The following LONRF1 variants were observed in gnomAD, a reference collection of about 807,000 sequenced individuals.
The protein encoded by LONRF1 is LON peptidase N-terminal domain and RING finger protein 1.
Under a neutral mutation model 85.8 loss-of-function variants are expected in LONRF1, and 37 were observed. The observed-to-expected ratio is 0.43, with a 90% CI of 0.33 to 0.57. The LOEUF is 0.57. Among genes scored for constraint, LONRF1 ranks in the 20% least tolerant of loss-of-function variants. The probability of loss-of-function intolerance (pLI) is 0.04; values close to 1 mark genes in which losing one functional copy is unlikely to be tolerated. For synonymous variants in LONRF1, 517 were observed against 390.1 expected (o/e 1.33, Z -3.83); for missense variants, 1,036 against 978.0 (o/e 1.06, Z -0.79).
rs2117220282 is a variant in LONRF1 at position 12,725,797 on chromosome 8, A to T, written c.2093T>A (p.Leu698Ter). 6.2e-7 allele frequency: 1 copy of T among 1,613,922 alleles called. No individual in the cohort carries two copies. The highest frequency in any genetic ancestry group is 1.1e-5 in the South Asian group (1 of 91,070). The change falls in exon 11 of 12, where the codon TTA becomes TAA. Residue 698 changes from leucine to a stop codon, truncating the protein, a stop_gained. Coordinates refer to ENST00000398246, the MANE Select transcript of LONRF1 (RefSeq NM_152271.5). LOFTEE classifies it high-confidence loss of function. ...YSQACSWFQN[L>*]RDRFRSQILQ... ...AATTTGGCTTCGAAATCTGTCTCTT[A>T]AATTCTGAAACCAGCTGCAGGCTTG...
chr8:12,741,875 G>C (rs1798946054), intron 2 of LONRF1, among the ~76,000 whole-genome samples: 1 of 148,336 alleles, frequency 6.7e-6, no homozygotes. Context: ...AAAAATTAGA[G>C]TCCTACTAAT....
intron 1 of LONRF1, among the ~76,000 whole-genome samples, chr8:12,749,474 T>C (rs746577790): frequency 6.6e-6 from 1 of 152,234 alleles, no homozygotes; most frequent in African/African-American, 2.4e-5. Context: ...CAGAACACTA[T>C]ACAAATTCAT....
At chr8:12,740,294 A>C (rs1188174448) in intron 3 of LONRF1, among the ~76,000 whole-genome samples, 1 of 152,184 alleles carries the variant, frequency 6.6e-6, no homozygotes, top group East Asian at 1.9e-4. Flanking sequence ...GGCATATCAA[A>C]AGCTATGAAA....
chr8:12,736,981 G>A lies in LONRF1; in HGVS notation c.1273C>T (p.Leu425=). The change falls in exon 5 of 12, where the codon CTG becomes TTG. Residue 425 remains leucine (L), a synonymous_variant. Transcript: ENST00000398246. ...PVLSVQEKGV[L]LKRKLSLLEQ... ...AAAAGAGACAACTTTCTTTTCAGCA[G>A]AACACCTTTTTCTTGAACTGACAGA... The A allele has an allele frequency of 1.2e-6, 2 of 1,613,434 alleles. No homozygotes were observed. Among genetic ancestry groups the A allele is most frequent in the South Asian group, 1.1e-5 (1 of 91,066 alleles).
At position 12,754,780 on chromosome 8, in the gene LONRF1, G is replaced by T. The variant is rs1045591217; in HGVS notation, c.641C>A (p.Ala214Glu). The T allele has an allele frequency of 1.2e-4, 182 of 1,481,120 alleles. No individual in the cohort carries two copies. Among genetic ancestry groups the T allele is most frequent in the Non-Finnish European group, 1.5e-4 (174 of 1,123,328 alleles). The allele number at this position is 1,481,120 out of a possible 1,614,324, so 91.7% of individuals were successfully genotyped here. A position where few individuals can be genotyped will look rare whatever the true frequency, so the allele number is the denominator to read the frequency against. The change falls in exon 1 of 12, where the codon GCG (alanine) becomes GAG (glutamate). Residue 214 changes from alanine to glutamate, a missense_variant. Around this residue, in one of 3 missense-constraint regions of LONRF1, gnomAD observed 742 missense variants for 614.4 expected, o/e 1.21. Coordinates refer to ENST00000398246, the MANE Select transcript of LONRF1 (RefSeq NM_152271.5). ...CAGTAGCTCCCCGAGCCTGCCGGCC[G>T]CCCGGGCCCGCTCGCGCTGGCCCGG... is the stretch of plus-strand genomic sequence containing the variant. ...WFPGQRERAR[A>E]AGRLGELLHQ...
At chr8:12,740,393 A>G (rs1798885011) in intron 3 of LONRF1, among the ~76,000 whole-genome samples, 1 of 152,124 alleles carries the variant, frequency 6.6e-6, no homozygotes, top group Admixed American at 6.6e-5. Flanking sequence ...CCCATCTCCT[A>G]TCTTTAAAAA....
chr8:12,735,489 A>G (rs531197913), intron 6 of LONRF1, 89 bp from the exon 7 acceptor site: 52 of 829,980 alleles, frequency 6.3e-5, no homozygotes, highest in Middle Eastern at 4.5e-4. Context: ...ACTAATCTCT[A>G]TTTAAAGGAG....
At chr8:12,731,516 C>G (rs1002399606) in intron 8 of LONRF1, among the ~76,000 whole-genome samples, 1 of 152,034 alleles carries the variant, frequency 6.6e-6, no homozygotes, top group Non-Finnish European at 1.5e-5. Context: ...GCCCAAAATA[C>G]TGCTTCAGCC....
intron 6 of LONRF1, 140 bp downstream of exon 6, chr8:12,736,561 C>T: frequency 3.3e-6 from 2 of 612,810 alleles, no homozygotes; most frequent in East Asian, 3.1e-5. Context: ...GAAAGGTAAA[C>T]CCAGGACTAA....
rs1383278334 is a variant in LONRF1 at position 12,735,403 on chromosome 8, G to A, written c.1452-3C>T. 3.2e-6 allele frequency: 5 copies of A among 1,573,006 alleles called. No homozygotes were observed. The highest frequency in any genetic ancestry group is 4.4e-6 in the Non-Finnish European group (5 of 1,148,474). On this transcript the variant is annotated splice_polypyrimidine_tract_variant and splice_region_variant and intron_variant, in intron 6 of 11. Transcript: ENST00000398246. Reference sequence around the variant, plus strand: ...TTGTTACTGGCTCAAAAAACAACCTGAAATCAACCAAGATACATGTTAGTT... The same window carrying A: ...TTGTTACTGGCTCAAAAAACAACCTAAAATCAACCAAGATACATGTTAGTT...
chr8:12,740,372 C>G (rs867537707), intron 3 of LONRF1, among the ~76,000 whole-genome samples: 20 of 152,102 alleles, frequency 1.3e-4, no homozygotes, highest in African/African-American at 4.3e-4. Context: ...TCAGACAGCT[C>G]CCTTCCTTCC....
Position 12,735,426 on chromosome 8 carries a change from G to C in LONRF1, c.1452-26C>G, listed in dbSNP as rs761131486. The C allele has an allele frequency of 2.8e-6, 4 of 1,412,300 alleles. No homozygotes were observed. The Admixed American group carries it at 5.4e-5, about 19-fold the overall frequency. The allele number at this position is 1,412,300 out of a possible 1,614,324, so 87.5% of individuals were successfully genotyped here. A position where few individuals can be genotyped will look rare whatever the true frequency, so the allele number is the denominator to read the frequency against. On this transcript the variant is annotated intron_variant, in intron 6 of 11. Transcript: ENST00000398246. ...CTGAAATCAACCAAGATACATGTTA[G>C]TTTTCACATTAAACTATCCACTGAA...
At chr8:12,730,522 G>A (rs778487485) in intron 8 of LONRF1, among the ~76,000 whole-genome samples, 4 of 152,062 alleles carry the variant, frequency 2.6e-5, no homozygotes, top group Admixed American at 2.6e-4. Context: ...ACACCCTGTC[G>A]CTTCTCTTCT....
chr8:12,743,102 G>T, intron 2 of LONRF1, 62 bp downstream of exon 2: 1 of 1,011,610 alleles, frequency 9.9e-7, no homozygotes, highest in Non-Finnish European at 1.6e-6. Flanking sequence ...AACTGTGAAT[G>T]AATGCATGTC....
At chr8:12,732,731 T>C (rs915798061) in intron 7 of LONRF1, among the ~76,000 whole-genome samples, 103 of 152,342 alleles carry the variant, frequency 6.8e-4, no homozygotes, top group Middle Eastern at 3.4e-3. Context: ...TTGTAGCGTG[T>C]AGTATATGTA....
At chr8:12,751,465 G>A (rs1019622714) in intron 1 of LONRF1, among the ~76,000 whole-genome samples, 3 of 151,092 alleles carry the variant, frequency 2.0e-5, no homozygotes, top group Non-Finnish European at 4.4e-5. Context: ...CACCACGCCT[G>A]GGTAATTTTT....
intron 1 of LONRF1, among the ~76,000 whole-genome samples, chr8:12,752,570 GTTGCTAA>G (rs1799451474): frequency 6.6e-6 from 1 of 152,156 alleles, no homozygotes. Flanking sequence ...GTAGAATGAA[GTTGCTAA>G]GTGGGCAAAA....
intron 2 of LONRF1, 73 bp from the exon 3 acceptor site, chr8:12,741,069 A>G: frequency 1.3e-6 from 2 of 1,559,280 alleles, no homozygotes; most frequent in Non-Finnish European, 8.7e-7. Flanking sequence ...CAAGTAAAGA[A>G]AAACAATAGT....
chr8:12,725,641 A>G, intron 11 of LONRF1, 86 bp downstream of exon 11: 1 of 1,363,550 alleles, frequency 7.3e-7, no homozygotes, highest in South Asian at 1.3e-5. Flanking sequence ...GTAGTGCAGA[A>G]AGGACAATGA....
Sources: allele counts gnomAD v4.1 joint callset (sites outside exome capture counted in the v4.1 genomes callset), GRCh38; gene constraint gnomAD v4.1.1; regional missense constraint gnomAD v4.1.1; transcripts MANE v1.5; gene names NCBI Gene and HGNC (gene_info 2026-07-23, HGNC 2026-07-21).